Variants in EGFR observed in about 807,000 individuals in gnomAD.
EGFR encodes the protein epidermal growth factor receptor, also known as avian erythroblastic leukemia viral (v-erb-b) oncogene homolog.
In EGFR, 58 loss-of-function variants were observed where a neutral mutation model predicts 143.0. That is an observed-to-expected ratio of 0.41 (90% CI 0.33 to 0.50). The LOEUF (loss-of-function observed/expected upper bound fraction) is 0.50, where lower values mean the gene tolerates loss of function less well. EGFR is among the 20% of genes least tolerant of loss of function. EGFR has a pLI of 0.39. For missense variants in EGFR, 1,307 were observed against 1,579.0 expected (o/e 0.83, Z 2.92); for synonymous variants, 613 against 594.4 (o/e 1.03, Z -0.45).
chr7:55,193,075 G>T (rs1051251191), intron 22 of EGFR, among the ~76,000 whole-genome samples: 4 of 152,078 alleles, frequency 2.6e-5, no homozygotes, highest in South Asian at 2.1e-4. Flanking sequence ...TGGCAGGGTG[G>T]GGGGTATGGG....
intron 1 of EGFR, among the ~76,000 whole-genome samples, chr7:55,068,688 G>A (rs1789656619): frequency 6.6e-6 from 1 of 152,194 alleles, no homozygotes. Flanking sequence ...TGCACAGATG[G>A]CTGAAGTATT....
intron 12 of EGFR, 42 bp downstream of exon 12, chr7:55,160,380 A>T (rs769747374): frequency 1.3e-6 from 2 of 1,591,280 alleles, no homozygotes; most frequent in African/African-American, 2.7e-5. Context: ...GTTGGTTCTA[A>T]TGGGTCCTTT....
chr7:55,059,874 G>A (rs534298269), intron 1 of EGFR, among the ~76,000 whole-genome samples: 1 of 152,260 alleles, frequency 6.6e-6, no homozygotes, highest in African/African-American at 2.4e-5. Context: ...GAGATGTGCT[G>A]AGCAGATACT....
rs1355652695 is a variant in EGFR, at chr7:55,207,259, G to A, written c.*1642G>A. 4.3e-6 allele frequency: 1 copy of A among 232,852 alleles called. No individual in the cohort carries two copies. Among genetic ancestry groups the A allele is most frequent in the African/African-American group, 2.2e-5 (1 of 45,262 alleles). 14.4% of individuals were successfully genotyped at this position (232,852 alleles called of 1,614,324 possible). A position where few individuals can be genotyped will look rare whatever the true frequency, so the allele number is the denominator to read the frequency against. On this transcript the variant is annotated 3_prime_UTR_variant, in exon 28 of 28. Transcript: ENST00000275493. ...AAAGTAATTTTTGACTCCCAGATCA[G>A]TCAGAGCCCCTACAGCATTGTTAAG...
intron 1 of EGFR, among the ~76,000 whole-genome samples, chr7:55,091,726 G>T (rs939217562): frequency 6.6e-6 from 1 of 152,100 alleles, no homozygotes; most frequent in Non-Finnish European, 1.5e-5. Flanking sequence ...GCAGGCTTGT[G>T]TTGCTGGCAG....
rs796106344 is a variant in EGFR at position 55,027,988 on chromosome 7, AAAAATATATATATATAT to A, written c.88+8625_88+8641del. Among the ~76,000 whole-genome samples the A allele has an allele frequency of 1.1e-4, 10 of 87,848 alleles. No homozygotes were observed. In the East Asian group the frequency reaches 1.6e-3, roughly 14 times the overall value. 57.6% of individuals were successfully genotyped at this position (87,848 alleles called of 152,430 possible). A position where few individuals can be genotyped will look rare whatever the true frequency, so the allele number is the denominator to read the frequency against. ...CATGCCTTTATGTAAAAAAAAAAAAAAAAATATATATATATATATATATATATATATATATATACACA... is the reference window on the plus strand; with the variant it reads ...CATGCCTTTATGTAAAAAAAAAAAAAATATATATATATATATATATACACA... On this transcript the variant is annotated intron_variant, in intron 1 of 27. Transcript: ENST00000275493.
chr7:55,184,145 G>GC (rs1017953215), intron 20 of EGFR, among the ~76,000 whole-genome samples: 2 of 152,194 alleles, frequency 1.3e-5, no homozygotes, highest in Non-Finnish European at 2.9e-5. Flanking sequence ...AGTGTGTTCT[G>GC]CCCCTTGTCT....
chr7:55,036,524 A>AAT (rs1319093776), intron 1 of EGFR, among the ~76,000 whole-genome samples: 1 of 152,132 alleles, frequency 6.6e-6, no homozygotes, highest in Non-Finnish European at 1.5e-5. Flanking sequence ...AAATCTTAAA[A>AAT]ATATATATGG....
In EGFR at chr7:55,106,745, A is replaced by T. The variant is rs533369169; in HGVS notation, c.89-35541A>T. 3.5e-4 allele frequency among the ~76,000 whole-genome samples: 54 copies of T among 152,296 alleles called. No homozygotes were observed. In the South Asian group the frequency reaches 8.9e-3, roughly 25 times the overall value. On this transcript the variant is annotated intron_variant, in intron 1 of 27. Coordinates refer to ENST00000275493, the MANE Select transcript of EGFR (RefSeq NM_005228.5). ...AAGTCTGATGTATCCTATTATCAACATTTATCCTTAATGTGATGGTTTATC... is the reference window on the plus strand; with the variant it reads ...AAGTCTGATGTATCCTATTATCAACTTTTATCCTTAATGTGATGGTTTATC...
chr7:55,116,536 T>C (rs199855674), intron 1 of EGFR, among the ~76,000 whole-genome samples: 7 of 150,114 alleles, frequency 4.7e-5, no homozygotes, highest in Admixed American at 4.0e-4. Context: ...AAAAAACACA[T>C]ACACACACAC....
chr7:55,158,867 G>A (rs551269285), intron 11 of EGFR, among the ~76,000 whole-genome samples: 7 of 152,294 alleles, frequency 4.6e-5, no homozygotes, highest in African/African-American at 9.6e-5. Flanking sequence ...GCTCCTATGC[G>A]AGACCACTCA....
intron 1 of EGFR, among the ~76,000 whole-genome samples, chr7:55,130,801 C>T (rs971187040): frequency 3.3e-5 from 5 of 152,226 alleles, no homozygotes; most frequent in African/African-American, 1.2e-4. Context: ...GTATGTGCCC[C>T]GCACAGGATC....
chr7:55,168,025 T>C (rs1786156153), intron 15 of EGFR, among the ~76,000 whole-genome samples: 1 of 152,242 alleles, frequency 6.6e-6, no homozygotes, highest in African/African-American at 2.4e-5. Flanking sequence ...TTAACTGTTT[T>C]TTAAAATCTG....
intron 19 of EGFR, among the ~76,000 whole-genome samples, chr7:55,177,756 C>A (rs1002514241): frequency 6.6e-6 from 1 of 152,226 alleles, no homozygotes; most frequent in African/African-American, 2.4e-5. Context: ...GGGCTAGGAG[C>A]CATGGGGGCT....
chr7:55,173,387 C>T (rs1451502112), intron 17 of EGFR, among the ~76,000 whole-genome samples: 2 of 152,206 alleles, frequency 1.3e-5, no homozygotes, highest in African/African-American at 4.8e-5. Flanking sequence ...CCTGTGTGTG[C>T]ATAGGAGGGA....
chr7:55,175,055 C>T (rs976640220), intron 19 of EGFR, among the ~76,000 whole-genome samples: 4 of 152,246 alleles, frequency 2.6e-5, no homozygotes, highest in African/African-American at 9.6e-5. Flanking sequence ...CAATTACTGG[C>T]ATCTACCCAG....
intron 1 of EGFR, among the ~76,000 whole-genome samples, chr7:55,041,647 G>A (rs531017023): frequency 5.7e-4 from 87 of 152,154 alleles, no homozygotes; most frequent in Non-Finnish European, 1.0e-3. Flanking sequence ...GTTTAAACTA[G>A]TGAATGATTA....
At position 55,154,144 on chromosome 7, in the gene EGFR, A is replaced by C; in HGVS notation, c.881A>C (p.Lys294Thr). Residue 294 changes from lysine (K) to threonine (T), a missense_variant, in exon 7 of 28, where the codon AAG (lysine) becomes ACG (threonine). By Grantham distance (78) the Lys-to-Thr change is moderately conservative. Coordinates refer to ENST00000275493, the MANE Select transcript of EGFR (RefSeq NM_005228.5). ...AGCTTTGGTGCCACCTGCGTGAAGA[A>C]GTGTCCCCGTGAGTCCTCCTCTGTG... ...KYSFGATCVK[K>T]CPRNYVVTDH... 1 of 1,614,248 alleles carries C rather than the reference A, an allele frequency of 6.2e-7. No homozygotes were observed. Among genetic ancestry groups the C allele is most frequent in the Non-Finnish European group, 8.5e-7 (1 of 1,180,048 alleles).
intron 1 of EGFR, among the ~76,000 whole-genome samples, chr7:55,048,773 G>A (rs768525290): frequency 4.6e-5 from 7 of 152,134 alleles, no homozygotes; most frequent in Non-Finnish European, 8.8e-5. Flanking sequence ...TCTGTGGCAC[G>A]GCTAGATAAA....
Sources: gnomAD v4.1 joint callset for allele counts (sites outside exome capture counted in the v4.1 genomes callset) on GRCh38, gnomAD v4.1.1 for gene constraint, MANE v1.5 for transcripts, NCBI Gene and HGNC (gene_info 2026-07-23, HGNC 2026-07-21) for gene names.